NEBL: variants seen among roughly 807,000 people sequenced by gnomAD.
NEBL encodes the protein nebulette.
Under a neutral mutation model 140.2 loss-of-function variants are expected in NEBL, and 122 were observed. The ratio of observed to expected loss-of-function variants is 0.87; its 90% CI spans 0.75 to 1.01. The LOEUF (loss-of-function observed/expected upper bound fraction) is 1.01, where lower values mean the gene tolerates loss of function less well. Among genes scored for constraint, NEBL ranks in the 50% least tolerant of loss-of-function variants. The pLI, the probability that NEBL is intolerant of heterozygous loss-of-function variation, is 0.00. For missense variants in NEBL, 1,365 were observed against 1,231.3 expected (o/e 1.11, Z -1.62); for synonymous variants, 436 against 398.9 (o/e 1.09, Z -1.11).
At chr10:21,118,907 G>T (rs1020601558) in intron 2 of NEBL, among the ~76,000 whole-genome samples, 2 of 152,100 alleles carry the variant, frequency 1.3e-5, no homozygotes, top group Non-Finnish European at 2.9e-5. Context: ...TAAACACAAA[G>T]AAGCTTAGAG....
intron 2 of NEBL, among the ~76,000 whole-genome samples, chr10:21,167,733 A>G (rs1840843042): frequency 6.6e-6 from 1 of 152,256 alleles, no homozygotes; most frequent in Non-Finnish European, 1.5e-5. Context: ...CAAAATGTTT[A>G]TAGTTTAGCT....
At chr10:20,974,237 C>T (rs539524320) in intron 3 of NEBL, among the ~76,000 whole-genome samples, 1 of 151,468 alleles carries the variant, frequency 6.6e-6, no homozygotes, top group Non-Finnish European at 1.5e-5. Flanking sequence ...CAAAGACCAT[C>T]GCTTAGTTTT....
At chr10:21,200,554 T>C (rs1480348955) in intron 3 of NEBL, among the ~76,000 whole-genome samples, 3 of 152,148 alleles carry the variant, frequency 2.0e-5, no homozygotes, top group Non-Finnish European at 4.4e-5. Flanking sequence ...CCTCAGATGA[T>C]CCACCTGCCT....
At chr10:21,003,003 C>CTT (rs10539676) in intron 3 of NEBL, among the ~76,000 whole-genome samples, 1 of 127,764 alleles carries the variant, frequency 7.8e-6, no homozygotes, top group Admixed American at 7.7e-5. Flanking sequence ...CATTATGTGG[C>CTT]TTTTTTTTTT....
At chr10:21,231,280 C>T (rs1239827756) in intron 3 of NEBL, among the ~76,000 whole-genome samples, 1 of 152,184 alleles carries the variant, frequency 6.6e-6, no homozygotes, top group Non-Finnish European at 1.5e-5. Context: ...TGGCTCACAT[C>T]TGTAATCCCA....
At chr10:20,958,184 C>A (rs997669147) in intron 4 of NEBL, among the ~76,000 whole-genome samples, 7 of 152,134 alleles carry the variant, frequency 4.6e-5, no homozygotes, top group Non-Finnish European at 8.8e-5. Flanking sequence ...TTTTTTAATG[C>A]CCTTGGGCAC....
intron 2 of NEBL, among the ~76,000 whole-genome samples, chr10:21,100,629 G>T (rs1299640241): frequency 6.6e-6 from 1 of 152,078 alleles, no homozygotes; most frequent in East Asian, 1.9e-4. Flanking sequence ...TTTTTCTTTA[G>T]ATCATTTCTA....
At chr10:21,127,750 G>C (rs192283883) in intron 2 of NEBL, among the ~76,000 whole-genome samples, 31 of 152,116 alleles carry the variant, frequency 2.0e-4, no homozygotes, top group Non-Finnish European at 3.7e-4. Context: ...AATTAAAAGG[G>C]GGAAAGGAGT....
At chr10:21,194,350 A>G (rs937413050) in intron 3 of NEBL, among the ~76,000 whole-genome samples, 1 of 152,150 alleles carries the variant, frequency 6.6e-6, no homozygotes, top group Admixed American at 6.5e-5. Flanking sequence ...TTTTTAATAG[A>G]AAAAAAGTTA....
chr10:20,894,651 AC>A (rs1847294753), intron 2 of NEBL, among the ~76,000 whole-genome samples: 1 of 151,812 alleles, frequency 6.6e-6, no homozygotes, highest in South Asian at 2.1e-4. Flanking sequence ...ATGGTGGCTC[AC>A]GCCTGTAATC....
chr10:20,886,914 T>C (rs1259087132), intron 4 of NEBL, among the ~76,000 whole-genome samples: 4 of 152,110 alleles, frequency 2.6e-5, no homozygotes, highest in African/African-American at 7.2e-5. Flanking sequence ...TTCCACAAAA[T>C]CCATTTTACA....
intron 2 of NEBL, among the ~76,000 whole-genome samples, chr10:21,032,366 T>A (rs114865594): frequency 0.018 from 2,701 of 152,278 alleles, 84 homozygotes; most frequent in African/African-American, 0.061. Context: ...ATAATTATAA[T>A]GACTATAAGC....
At chr10:20,858,577 A>G (rs1341905539) in intron 8 of NEBL, among the ~76,000 whole-genome samples, 5 of 152,190 alleles carry the variant, frequency 3.3e-5, no homozygotes, top group Non-Finnish European at 7.3e-5. Context: ...CATATTCAGG[A>G]AGGGTAATGT....
intron 2 of NEBL, among the ~76,000 whole-genome samples, chr10:21,065,881 G>A (rs1454093176): frequency 1.3e-5 from 2 of 152,200 alleles, no homozygotes; most frequent in Admixed American, 1.3e-4. Context: ...AACAAAGGGA[G>A]GGTGATGGGT....
chr10:20,786,198 C>A (rs557198065), intron 27 of NEBL, among the ~76,000 whole-genome samples: 1 of 152,182 alleles, frequency 6.6e-6, no homozygotes, highest in South Asian at 2.1e-4. Flanking sequence ...AAGCCAAGTT[C>A]CCCCCAACTT....
chr10:21,078,932 A>C (rs1046115218), intron 2 of NEBL, among the ~76,000 whole-genome samples: 1 of 152,206 alleles, frequency 6.6e-6, no homozygotes, highest in Non-Finnish European at 1.5e-5. Context: ...ATCCAACCTT[A>C]ATAAGCACGT....
At chr10:20,801,746 C>T (rs1396199262) in intron 26 of NEBL, among the ~76,000 whole-genome samples, 4 of 152,070 alleles carry the variant, frequency 2.6e-5, no homozygotes, top group African/African-American at 9.7e-5. Flanking sequence ...ATGCACTGCC[C>T]TCTTGATATA....
chr10:21,133,408 G>A (rs373943279), intron 2 of NEBL, among the ~76,000 whole-genome samples: 4 of 152,170 alleles, frequency 2.6e-5, no homozygotes, highest in Non-Finnish European at 4.4e-5. Context: ...ATTTCTCTAT[G>A]ATTCCCCAAT....
At chr10:20,908,352 C>A (rs1374769518) in intron 4 of NEBL, among the ~76,000 whole-genome samples, 2 of 152,202 alleles carry the variant, frequency 1.3e-5, no homozygotes, top group Non-Finnish European at 2.9e-5. Context: ...CAATTTCCAA[C>A]TTCAAAGGAA....
Sources: gnomAD v4.1 joint callset for allele counts (sites outside exome capture counted in the v4.1 genomes callset) on GRCh38, gnomAD v4.1.1 for gene constraint, MANE v1.5 for transcripts, NCBI Gene and HGNC (gene_info 2026-07-23, HGNC 2026-07-21) for gene names.